Variants in FAM107B observed in about 807,000 individuals in gnomAD.
FAM107B encodes the protein protein FAM107B.
A neutral mutation model predicts 31.5 loss-of-function variants in FAM107B; 21 were observed. That is an observed-to-expected ratio of 0.67 (90% CI 0.47 to 0.96). FAM107B has a LOEUF of 0.96. FAM107B is among the 40% of genes least tolerant of loss of function. FAM107B has a pLI of 0.00. For missense variants in FAM107B, 452 were observed against 377.1 expected, an observed-to-expected ratio of 1.20 and a Z score of -1.64; for synonymous variants, 157 against 141.5, an observed-to-expected ratio of 1.11 and a Z score of -0.78.
chr10:14,628,600 T>C (rs1007491783), intron 2 of FAM107B, among the ~76,000 whole-genome samples: 1 of 152,210 alleles, frequency 6.6e-6, no homozygotes, highest in African/African-American at 2.4e-5. Context: ...GGTGGGTAAA[T>C]ATATTTTAAC....
chr10:14,581,356 T>A (rs968773859), intron 2 of FAM107B, among the ~76,000 whole-genome samples: 1 of 152,164 alleles, frequency 6.6e-6, no homozygotes, highest in Non-Finnish European at 1.5e-5. Flanking sequence ...GTGGCTGCGG[T>A]AGGGTGCCAC....
At chr10:14,652,058 C>T (rs1195669279) in intron 2 of FAM107B, among the ~76,000 whole-genome samples, 3 of 151,972 alleles carry the variant, frequency 2.0e-5, no homozygotes, top group African/African-American at 7.3e-5. Context: ...GGGCCAAGTT[C>T]GAGGGATGTT....
intron 2 of FAM107B, among the ~76,000 whole-genome samples, chr10:14,619,731 A>AAAC (rs1852954025): frequency 7.0e-6 from 1 of 142,090 alleles, no homozygotes; most frequent in East Asian, 2.1e-4. Flanking sequence ...AAAAAAAAAA[A>AAAC]CCTTTGCCCA....
rs1833381426 is a variant in FAM107B, at chr10:14,774,621, G to C, written c.43C>G (p.Pro15Ala). 4 of 1,614,024 alleles carry C rather than the reference G, an allele frequency of 2.5e-6. No individual in the cohort carries two copies. The highest frequency in any genetic ancestry group is 1.1e-5 in the South Asian group (1 of 91,080). Residue 15 changes from proline (P) to alanine (A), a missense_variant, in exon 1 of 5, where the codon CCC (proline) becomes GCC (alanine). Physicochemically the swap from Pro to Ala is conservative, Grantham distance 27. Coordinates refer to ENST00000181796, the MANE Select transcript of FAM107B (RefSeq NM_031453.4). ...GGAAATGGATGCATGCTTCTAGAGG[G>C]AGACTTCAGTCTTTTGGTGAGTCTT... Reference protein sequence around the residue: ...KARLTKRLKSPSRSMHPFPCS... With the variant: ...KARLTKRLKSASRSMHPFPCS...
At chr10:14,663,486 G>A (rs932824407) in intron 2 of FAM107B, 4 of 152,242 alleles carry the variant, frequency 2.6e-5, no homozygotes, top group African/African-American at 9.6e-5. Flanking sequence ...GGGTGGTATG[G>A]TCGTAGACGG....
At chr10:14,717,470 C>G (rs1376262729) in intron 1 of FAM107B, among the ~76,000 whole-genome samples, 1 of 152,146 alleles carries the variant, frequency 6.6e-6, no homozygotes, top group Admixed American at 6.5e-5. Context: ...CAGTGCAGCC[C>G]TAAGTCTGAG....
intron 2 of FAM107B, among the ~76,000 whole-genome samples, chr10:14,616,933 A>G (rs552255965): frequency 2.4e-4 from 36 of 152,252 alleles, no homozygotes; most frequent in South Asian, 8.3e-4. Flanking sequence ...AGATAAAAAT[A>G]AAATAAAAGA....
chr10:14,528,672 C>A (rs369789777), intron 3 of FAM107B, among the ~76,000 whole-genome samples: 2 of 152,138 alleles, frequency 1.3e-5, no homozygotes, highest in South Asian at 4.2e-4. Flanking sequence ...TTAGGGAAAC[C>A]CAGCATTGTC....
At chr10:14,529,629 C>G (rs1846716860) in intron 3 of FAM107B, 1 of 151,964 alleles carries the variant, frequency 6.6e-6, no homozygotes, top group African/African-American at 2.4e-5. Context: ...CTAAATGAAG[C>G]TTCCTAGTTC....
chr10:14,577,818 T>C (rs1325049182), intron 2 of FAM107B, among the ~76,000 whole-genome samples: 2 of 152,248 alleles, frequency 1.3e-5, no homozygotes, highest in Non-Finnish European at 2.9e-5. Context: ...TCTAGTTTTC[T>C]GTGCATTCTC....
At chr10:14,744,043 T>C (rs1832676767) in intron 1 of FAM107B, among the ~76,000 whole-genome samples, 2 of 152,226 alleles carry the variant, frequency 1.3e-5, no homozygotes, top group African/African-American at 4.8e-5. Context: ...CAGTGGTTTG[T>C]AGTTCTCCTT....
intron 3 of FAM107B, among the ~76,000 whole-genome samples, chr10:14,523,501 G>A (rs866494441): frequency 1.5e-4 from 23 of 152,268 alleles, no homozygotes; most frequent in Admixed American, 4.6e-4. Context: ...TCCAGGATGG[G>A]CCTGAGCACC....
chr10:14,762,714 C>T (rs1292416732), intron 1 of FAM107B, among the ~76,000 whole-genome samples: 2 of 146,708 alleles, frequency 1.4e-5, no homozygotes, highest in South Asian at 4.4e-4. Context: ...CAAGATTGTG[C>T]CACTGCACTA....
chr10:14,760,027 C>T (rs1162513916), intron 1 of FAM107B, among the ~76,000 whole-genome samples: 1 of 152,118 alleles, frequency 6.6e-6, no homozygotes, highest in Non-Finnish European at 1.5e-5. Context: ...TTCATCTATT[C>T]TTATTTCATC....
chr10:14,619,243 C>T (rs761715587), intron 2 of FAM107B, among the ~76,000 whole-genome samples: 6 of 152,142 alleles, frequency 3.9e-5, no homozygotes, highest in East Asian at 3.9e-4. Flanking sequence ...TAAGGCAGTA[C>T]GGTCAGTCGG....
chr10:14,767,204 C>T (rs761535884), intron 1 of FAM107B, among the ~76,000 whole-genome samples: 2 of 149,644 alleles, frequency 1.3e-5, no homozygotes, highest in Non-Finnish European at 3.0e-5. Context: ...AAGTCATTCT[C>T]TGCCTCAGCC....
intron 2 of FAM107B, among the ~76,000 whole-genome samples, chr10:14,549,610 T>G (rs1564554172): frequency 6.6e-6 from 1 of 152,178 alleles, no homozygotes; most frequent in Non-Finnish European, 1.5e-5. Flanking sequence ...CTCTGGAGGC[T>G]TGTGGTTCCA....
intron 2 of FAM107B, among the ~76,000 whole-genome samples, chr10:14,575,196 G>C (rs145734821): frequency 6.9e-6 from 1 of 143,904 alleles, no homozygotes; most frequent in Admixed American, 6.9e-5. Flanking sequence ...CGCTAAAGAA[G>C]CTTTTTGTTT....
intron 2 of FAM107B, chr10:14,548,414 G>A: frequency 3.0e-6 from 3 of 985,586 alleles, no homozygotes; most frequent in Non-Finnish European, 3.6e-6. Flanking sequence ...GGTCTGTGAG[G>A]GTGCGTGGGG....
Sources: gnomAD v4.1 joint callset for allele counts (sites outside exome capture counted in the v4.1 genomes callset) on GRCh38, gnomAD v4.1.1 for gene constraint, MANE v1.5 for transcripts, NCBI Gene and HGNC (gene_info 2026-07-23, HGNC 2026-07-21) for gene names.